KIF6: variants seen among roughly 807,000 people sequenced by gnomAD.
KIF6 encodes kinesin-like protein KIF6.
KIF6 carries 106 observed loss-of-function variants against 112.7 expected under a neutral mutation model. The ratio of observed to expected loss-of-function variants is 0.94; its 90% CI spans 0.80 to 1.11. The LOEUF (loss-of-function observed/expected upper bound fraction) is 1.11. KIF6 is among the 50% of genes least tolerant of loss of function. The pLI, the probability that KIF6 is intolerant of heterozygous loss-of-function variation, is 0.00. For missense variants in KIF6, 929 were observed against 964.0 expected, an observed-to-expected ratio of 0.96 and a Z score of 0.48; for synonymous variants, 339 against 339.9, an observed-to-expected ratio of 1.00 and a Z score of 0.03.
chr6:39,686,212 G>T (rs949185719), intron 3 of KIF6, among the ~76,000 whole-genome samples: 5 of 152,140 alleles, frequency 3.3e-5, no homozygotes, highest in Admixed American at 2.0e-4. Context: ...GATCTGTCTG[G>T]ATTTCAAATG....
intron 13 of KIF6, among the ~76,000 whole-genome samples, chr6:39,487,216 T>C (rs978179678): frequency 2.0e-5 from 3 of 152,242 alleles, no homozygotes; most frequent in Non-Finnish European, 4.4e-5. Flanking sequence ...GCTGTAAGTC[T>C]GACAAACTAT....
At chr6:39,346,569 A>G in intron 19 of KIF6, 43 bp from the exon 20 acceptor site, 1 of 678,058 alleles carries the variant, frequency 1.5e-6, no homozygotes, top group Non-Finnish European at 2.7e-6. Flanking sequence ...CTCAGTCTAT[A>G]GTATTTTGTT....
chr6:39,453,452 G>T (rs1196697796), intron 13 of KIF6, among the ~76,000 whole-genome samples: 2 of 152,124 alleles, frequency 1.3e-5, no homozygotes, highest in African/African-American at 4.8e-5. Context: ...AGCTGCATGA[G>T]GAATTTGGCT....
At chr6:39,700,073 G>A (rs1221889757) in intron 3 of KIF6, among the ~76,000 whole-genome samples, 1 of 152,130 alleles carries the variant, frequency 6.6e-6, no homozygotes, top group African/African-American at 2.4e-5. Flanking sequence ...TGGCTATACA[G>A]CCATGCAATG....
At chr6:39,442,568 G>C (rs959305218) in intron 13 of KIF6, among the ~76,000 whole-genome samples, 9 of 152,210 alleles carry the variant, frequency 5.9e-5, no homozygotes, top group Non-Finnish European at 1.0e-4. Flanking sequence ...CTGGAGGCCA[G>C]CAACGTTTCC....
At chr6:39,397,866 G>T (rs1266595457) in intron 15 of KIF6, among the ~76,000 whole-genome samples, 2 of 152,146 alleles carry the variant, frequency 1.3e-5, no homozygotes, top group East Asian at 3.9e-4. Context: ...CTGTGTCTCT[G>T]GGGAGTCAAC....
At chr6:39,618,766 T>C (rs1272534752) in intron 5 of KIF6, among the ~76,000 whole-genome samples, 1 of 152,224 alleles carries the variant, frequency 6.6e-6, no homozygotes, top group Non-Finnish European at 1.5e-5. Context: ...CATTCCTTTG[T>C]ACTGACTTCA....
intron 3 of KIF6, among the ~76,000 whole-genome samples, chr6:39,659,980 C>T (rs988860583): frequency 2.0e-5 from 3 of 152,048 alleles, no homozygotes; most frequent in African/African-American, 7.2e-5. Flanking sequence ...TAAATTTATC[C>T]ATAAGTTTAT....
At chr6:39,439,888 A>G (rs897067802) in intron 13 of KIF6, among the ~76,000 whole-genome samples, 1 of 152,154 alleles carries the variant, frequency 6.6e-6, no homozygotes, top group Admixed American at 6.5e-5. Flanking sequence ...TCTGGGGTAC[A>G]TGGGCCAGAG....
At chr6:39,635,080 G>T in intron 4 of KIF6, 122 bp from the exon 5 acceptor site, 4 of 612,000 alleles carry the variant, frequency 6.5e-6, no homozygotes, top group East Asian at 2.9e-5. Context: ...ACTTTATATG[G>T]TTTACATTTT....
intron 3 of KIF6, among the ~76,000 whole-genome samples, chr6:39,682,036 T>C (rs1406490360): frequency 2.6e-5 from 4 of 152,194 alleles, no homozygotes; most frequent in Admixed American, 1.3e-4. Flanking sequence ...GAATACTTAC[T>C]ACATATCATG....
chr6:39,349,643 T>TTTTTTTTTTTTTTTTTTTTTTTTTTG (rs1764078932), intron 19 of KIF6, among the ~76,000 whole-genome samples: 1 of 104,382 alleles, frequency 9.6e-6, no homozygotes, highest in Non-Finnish European at 1.8e-5. Flanking sequence ...TTTTTTTTTT[T>TTTTTTTTTTTTTTTTTTTTTTTTTTG]TTTTTTTTTT....
intron 13 of KIF6, among the ~76,000 whole-genome samples, chr6:39,438,685 CTAAGGTTAATT>C (rs1240415588): frequency 1.3e-5 from 2 of 151,952 alleles, no homozygotes; most frequent in African/African-American, 2.4e-5. Flanking sequence ...TTACAGTAAG[CTAAGGTTAATT>C]TATTATTGAA....
chr6:39,570,608 C>G lies in KIF6; in HGVS notation c.1181+7448G>C, dbSNP rs571951784. ...ATCTTGAATTGTAGTTCCCATAATCCCAATGTGTCATGGGAGGGACCTGAT... is the reference window on the plus strand; with the variant it reads ...ATCTTGAATTGTAGTTCCCATAATCGCAATGTGTCATGGGAGGGACCTGAT... On this transcript the variant is annotated intron_variant, in intron 10 of 22. Transcript: ENST00000287152. Among the ~76,000 whole-genome samples the G allele has an allele frequency of 6.6e-4, 101 of 152,108 alleles. 1 individual carries two copies. Among genetic ancestry groups the G allele is most frequent in the Non-Finnish European group, 9.6e-4 (65 of 67,978 alleles).
In KIF6 at chr6:39,538,602, CT is replaced by C. The variant is rs759561548; in HGVS notation, c.1645+1400del. On this transcript the variant is annotated intron_variant, in intron 13 of 22. Transcript: ENST00000287152. ...GAGAGGATGTGGAGAAATAGGAACA[CT>C]TTTACACTGTTGGTGGGACTGTAAA... Among the ~76,000 whole-genome samples the C allele has an allele frequency of 7.7e-4, 117 of 150,988 alleles. 3 individuals are homozygous for C. Among genetic ancestry groups the C allele is most frequent in the Middle Eastern group, 6.8e-3 (2 of 294 alleles).
chr6:39,538,074 G>A (rs565530698), intron 13 of KIF6, among the ~76,000 whole-genome samples: 27 of 152,256 alleles, frequency 1.8e-4, no homozygotes, highest in Admixed American at 5.2e-4. Flanking sequence ...ATTCAAGATG[G>A]ATTAAAGACT....
chr6:39,666,118 A>G (rs1192964933), intron 3 of KIF6, among the ~76,000 whole-genome samples: 2 of 152,320 alleles, frequency 1.3e-5, no homozygotes, highest in East Asian at 3.9e-4. Context: ...AAATTCAAGT[A>G]TTCGTGGCCA....
chr6:39,616,383 G>A (rs1020821456), intron 5 of KIF6, among the ~76,000 whole-genome samples: 10 of 152,150 alleles, frequency 6.6e-5, no homozygotes, highest in Non-Finnish European at 1.0e-4. Context: ...ATCCCTGTGC[G>A]TTAATATCAT....
chr6:39,658,999 ATAT>A (rs1324655654), intron 3 of KIF6, among the ~76,000 whole-genome samples: 1 of 152,228 alleles, frequency 6.6e-6, no homozygotes, highest in African/African-American at 2.4e-5. Context: ...AAATTGAACT[ATAT>A]TTACAGCCTG....
Sources: gnomAD v4.1 joint callset for allele counts (sites outside exome capture counted in the v4.1 genomes callset) on GRCh38, gnomAD v4.1.1 for gene constraint, MANE v1.5 for transcripts, NCBI Gene and HGNC (gene_info 2026-07-23, HGNC 2026-07-21) for gene names.